The following TMPRSS15 variants were observed in gnomAD, a reference collection of about 807,000 sequenced individuals.
TMPRSS15 encodes enteropeptidase.
In TMPRSS15, 128 loss-of-function variants were observed where a neutral mutation model predicts 125.3. That is an observed-to-expected ratio of 1.02 (90% CI 0.89 to 1.18). The LOEUF is 1.18. TMPRSS15 is among the 50% of genes most tolerant of loss of function. The pLI is 0.00. For synonymous variants in TMPRSS15, 446 were observed against 423.2 expected, an observed-to-expected ratio of 1.05 and a Z score of -0.66; for missense variants, 1,283 against 1,212.7, an observed-to-expected ratio of 1.06 and a Z score of -0.86.
chr21:18,412,107 A>G (rs760265037), intron 1 of TMPRSS15, among the ~76,000 whole-genome samples: 9 of 152,156 alleles, frequency 5.9e-5, no homozygotes, highest in Admixed American at 2.0e-4. Flanking sequence ...ACCAATTCAC[A>G]ATTCTATGAT....
chr21:18,297,817 T>C lies in TMPRSS15; in HGVS notation c.2178A>G (p.Ser726=), dbSNP rs369657590. 1.7e-5 allele frequency: 27 copies of C among 1,612,672 alleles called. No homozygotes were observed. The highest frequency in any genetic ancestry group is 2.2e-5 in the Non-Finnish European group (26 of 1,178,840). ...CQLLGLGSGN[S]SKPIFPTDGG... ...CATCGGTAGGGAAGATTGGCTTTGATGAGTTTCCACTCCTAGAGAAAAAAG... is the reference window on the plus strand; with the variant it reads ...CATCGGTAGGGAAGATTGGCTTTGACGAGTTTCCACTCCTAGAGAAAAAAG... The change falls in exon 19 of 25, where the codon TCA becomes TCG. Residue 726 remains serine, a synonymous_variant. Transcript: ENST00000284885.
At chr21:18,474,966 G>A (rs143619393) in intron 1 of TMPRSS15, among the ~76,000 whole-genome samples, 116 of 152,246 alleles carry the variant, frequency 7.6e-4, no homozygotes, top group African/African-American at 2.6e-3. Context: ...TGAGTTAGAT[G>A]AGATTATACA....
intron 8 of TMPRSS15, among the ~76,000 whole-genome samples, chr21:18,357,903 C>T (rs1266197604): frequency 1.3e-5 from 2 of 151,644 alleles, no homozygotes; most frequent in Admixed American, 6.6e-5. Context: ...TAAAATTTAA[C>T]ACCCAATACA....
intron 1 of TMPRSS15, among the ~76,000 whole-genome samples, chr21:18,413,694 C>T (rs1466258274): frequency 6.6e-6 from 1 of 151,070 alleles, no homozygotes; most frequent in Non-Finnish European, 1.5e-5. Flanking sequence ...TCCCAAAGTG[C>T]TGAGATTACA....
At chr21:18,423,924 ATCT>A (rs1425629355) in intron 1 of TMPRSS15, among the ~76,000 whole-genome samples, 3 of 152,266 alleles carry the variant, frequency 2.0e-5, no homozygotes, top group South Asian at 2.1e-4. Context: ...CCTTATCTTC[ATCT>A]TCTTTTTTTT....
chr21:18,403,795 T>C, upstream of TMPRSS15: 3 of 689,980 alleles, frequency 4.3e-6, no homozygotes, highest in Non-Finnish European at 7.5e-6. Context: ...CAAAATTATG[T>C]CTCTATACAT....
chr21:18,393,756 TTAA>T (rs1389792509), intron 3 of TMPRSS15, among the ~76,000 whole-genome samples: 3 of 152,200 alleles, frequency 2.0e-5, no homozygotes, highest in African/African-American at 7.2e-5. Flanking sequence ...TAATTTATTA[TTAA>T]TGTCTGTTAT....
intron 3 of TMPRSS15, among the ~76,000 whole-genome samples, chr21:18,387,606 C>T (rs57738423): frequency 0.18 from 18,825 of 102,378 alleles, 1,351 homozygotes; most frequent in African/African-American, 0.27. Context: ...TACACACACA[C>T]ACACATACAC....
chr21:18,473,821 A>G (rs541413792), intron 1 of TMPRSS15, among the ~76,000 whole-genome samples: 17 of 152,242 alleles, frequency 1.1e-4, no homozygotes, highest in African/African-American at 4.1e-4. Context: ...TTTTAAAAAT[A>G]CATTCTTATA....
intron 1 of TMPRSS15, among the ~76,000 whole-genome samples, chr21:18,433,327 T>A (rs1019794637): frequency 2.0e-5 from 3 of 152,160 alleles, no homozygotes; most frequent in Admixed American, 1.3e-4. Context: ...GCAACTCTTG[T>A]GTTGAAAATA....
chr21:18,404,943 A>T (rs1431422571), upstream of TMPRSS15, among the ~76,000 whole-genome samples: 1 of 152,076 alleles, frequency 6.6e-6, no homozygotes, highest in Non-Finnish European at 1.5e-5. Context: ...GAAATCAGAG[A>T]CACCACTTAT....
chr21:18,413,001 T>C (rs2076169890), intron 1 of TMPRSS15, among the ~76,000 whole-genome samples: 1 of 152,206 alleles, frequency 6.6e-6, no homozygotes, highest in African/African-American at 2.4e-5. Context: ...TCTATCTGTA[T>C]TCATTCTTCC....
chr21:18,272,671 G>A (rs189619963), intron 24 of TMPRSS15, among the ~76,000 whole-genome samples: 23 of 152,260 alleles, frequency 1.5e-4, no homozygotes, highest in Admixed American at 1.3e-3. Flanking sequence ...GTTGCAGTGA[G>A]TGGAGATCAT....
chr21:18,345,340 C>G (rs958187959), intron 10 of TMPRSS15, among the ~76,000 whole-genome samples: 8 of 152,058 alleles, frequency 5.3e-5, no homozygotes, highest in African/African-American at 1.9e-4. Context: ...GGCCTAGATA[C>G]AGAAGAGAGG....
At chr21:18,325,157 T>A (rs1601336128) in intron 16 of TMPRSS15, among the ~76,000 whole-genome samples, 1 of 152,232 alleles carries the variant, frequency 6.6e-6, no homozygotes, top group East Asian at 1.9e-4. Flanking sequence ...CCTAACAAAA[T>A]CATGTCATTT....
At chr21:18,317,807 CCCATCCCATT>C (rs1569004103) in intron 16 of TMPRSS15, among the ~76,000 whole-genome samples, 16 of 43,688 alleles carry the variant, frequency 3.7e-4, no homozygotes, top group African/African-American at 1.4e-3. Flanking sequence ...CCCATCCCAT[CCCATCCCATT>C]CTATCCTATC....
At chr21:18,378,937 A>G (rs751038981) in intron 5 of TMPRSS15, among the ~76,000 whole-genome samples, 9 of 152,122 alleles carry the variant, frequency 5.9e-5, no homozygotes, top group Non-Finnish European at 1.2e-4. Context: ...TGCAGAGATA[A>G]TAATCAAAGG....
chr21:18,354,465 G>A (rs1207238024), intron 8 of TMPRSS15, among the ~76,000 whole-genome samples: 1 of 151,292 alleles, frequency 6.6e-6, no homozygotes, highest in Non-Finnish European at 1.5e-5. Flanking sequence ...ATAATACTAG[G>A]ATTATAAAAA....
intron 1 of TMPRSS15, among the ~76,000 whole-genome samples, chr21:18,402,339 G>A (rs1289476924): frequency 6.6e-6 from 1 of 151,948 alleles, no homozygotes; most frequent in Non-Finnish European, 1.5e-5. Flanking sequence ...GACCATCCTG[G>A]CCAACATGGT....
Sources: allele counts gnomAD v4.1 joint callset (sites outside exome capture counted in the v4.1 genomes callset), GRCh38; gene constraint gnomAD v4.1.1; transcripts MANE v1.5; gene names NCBI Gene and HGNC (gene_info 2026-07-23, HGNC 2026-07-21).